The following EFCAB6 variants were observed in gnomAD, a reference collection of about 807,000 sequenced individuals.
The protein encoded by EFCAB6 is EF-hand calcium-binding domain-containing protein 6.
In EFCAB6, 156 loss-of-function variants were observed where a neutral mutation model predicts 169.8. The ratio of observed to expected loss-of-function variants is 0.92; its 90% CI spans 0.81 to 1.05. The LOEUF (loss-of-function observed/expected upper bound fraction) is 1.05, where lower values mean the gene tolerates loss of function less well. Ranked by LOEUF, EFCAB6 falls within the 50% of genes least tolerant of loss-of-function variation. EFCAB6 has a pLI of 0.00. For synonymous variants in EFCAB6, 698 were observed against 676.4 expected (o/e 1.03, Z -0.50); for missense variants, 1,800 against 1,829.1 (o/e 0.98, Z 0.29).
rs148974952 is a variant in EFCAB6, at chr22:43,790,734, C to T, written c.-7-8409G>A. Among the ~76,000 whole-genome samples, 639 of 152,244 alleles carry T rather than the reference C, an allele frequency of 4.2e-3. 2 individuals are homozygous for T. The highest frequency in any genetic ancestry group is 0.027 in the Middle Eastern group (8 of 294). ...TAAAGGAATATCTCTGGCTGTATGT[C>T]ACGAATAGGCTTACAGGTGCAAGGG... On this transcript the variant is annotated intron_variant, in intron 2 of 31. Coordinates refer to ENST00000262726, the MANE Select transcript of EFCAB6 (RefSeq NM_022785.4).
intron 20 of EFCAB6, among the ~76,000 whole-genome samples, chr22:43,621,150 G>A (rs1223926835): frequency 6.6e-6 from 1 of 150,698 alleles, no homozygotes; most frequent in African/African-American, 2.4e-5. Context: ...GTGCAGTGGT[G>A]CGATCTCGGC....
At chr22:43,546,286 C>T (rs193188704) in intron 27 of EFCAB6, among the ~76,000 whole-genome samples, 1 of 152,196 alleles carries the variant, frequency 6.6e-6, no homozygotes, top group Admixed American at 6.5e-5. Context: ...AGATGAGACA[C>T]AGTTGAGGAG....
chr22:43,726,151 C>A (rs2059717423), intron 8 of EFCAB6, among the ~76,000 whole-genome samples: 1 of 151,602 alleles, frequency 6.6e-6, no homozygotes, highest in South Asian at 2.1e-4. Flanking sequence ...AAATCTGCTG[C>A]CAATTATTGA....
chr22:43,656,611 T>C (rs986346364), intron 17 of EFCAB6, among the ~76,000 whole-genome samples: 2 of 152,214 alleles, frequency 1.3e-5, no homozygotes, highest in Admixed American at 6.5e-5. Flanking sequence ...ATCATTGCAT[T>C]ACAATGGCCT....
chr22:43,637,360 C>T (rs1380993748), intron 17 of EFCAB6, among the ~76,000 whole-genome samples: 2 of 152,244 alleles, frequency 1.3e-5, no homozygotes, highest in Non-Finnish European at 2.9e-5. Flanking sequence ...GTTTTGGTGT[C>T]ATCCTTTTTG....
intron 12 of EFCAB6, among the ~76,000 whole-genome samples, chr22:43,682,225 T>C (rs1289291349): frequency 1.3e-5 from 2 of 152,176 alleles, no homozygotes; most frequent in Non-Finnish European, 2.9e-5. Context: ...GTTAATGCCA[T>C]GATGTGATAC....
At chr22:43,650,535 T>C (rs1157595725) in intron 17 of EFCAB6, among the ~76,000 whole-genome samples, 2 of 152,150 alleles carry the variant, frequency 1.3e-5, no homozygotes, top group Non-Finnish European at 2.9e-5. Flanking sequence ...ATGAAAATGA[T>C]CTAATACAGT....
Position 43,530,913 on chromosome 22 carries a change from GAATA to G in EFCAB6, c.4281_4284del (p.Ile1428SerfsTer26). 1 of 1,614,250 alleles carries G rather than the reference GAATA, an allele frequency of 6.2e-7. No homozygotes were observed. Among genetic ancestry groups the G allele is most frequent in the South Asian group, 1.1e-5 (1 of 91,082 alleles). On this transcript the variant is annotated frameshift_variant, in exon 31 of 32. Transcript: ENST00000262726. LOFTEE classifies it high-confidence loss of function. ...CTCCAGCAGTGCACAATTTTGGGCTGAATACGCAGCAGAGCAGAGTAAAAAGATG... is the reference window on the plus strand; with the variant it reads ...CTCCAGCAGTGCACAATTTTGGGCTGCGCAGCAGAGCAGAGTAAAAAGATG...
intron 25 of EFCAB6, among the ~76,000 whole-genome samples, chr22:43,576,833 AGCAGAGAGTAACTT>A (rs1260044687): frequency 2.6e-5 from 4 of 152,214 alleles, no homozygotes; most frequent in African/African-American, 9.6e-5. Context: ...TACAGAGCAG[AGCAGAGAGTAACTT>A]GCTCAAGCTC....
intron 23 of EFCAB6, among the ~76,000 whole-genome samples, chr22:43,596,533 C>T (rs1342625165): frequency 1.3e-5 from 2 of 151,838 alleles, no homozygotes; most frequent in African/African-American, 4.8e-5. Flanking sequence ...TAAAAATCAG[C>T]TGAACCAAAG....
chr22:43,798,014 T>G (rs904348122), intron 2 of EFCAB6, among the ~76,000 whole-genome samples: 1 of 152,206 alleles, frequency 6.6e-6, no homozygotes, highest in African/African-American at 2.4e-5. Context: ...CAGGATCACC[T>G]GGACAGCCTG....
chr22:43,547,995 C>T (rs1322665471), intron 27 of EFCAB6, among the ~76,000 whole-genome samples: 1 of 151,998 alleles, frequency 6.6e-6, no homozygotes, highest in Non-Finnish European at 1.5e-5. Flanking sequence ...ACTTGGGAGG[C>T]TGAGGCAGGA....
chr22:43,693,767 G>A (rs544962833), intron 10 of EFCAB6, among the ~76,000 whole-genome samples: 1 of 151,498 alleles, frequency 6.6e-6, no homozygotes, highest in East Asian at 1.9e-4. Flanking sequence ...TTTTAAAAAA[G>A]AATAATGAAG....
chr22:43,613,224 CATAA>C (rs1490171196), intron 21 of EFCAB6, among the ~76,000 whole-genome samples: 39 of 147,400 alleles, frequency 2.6e-4, no homozygotes, highest in African/African-American at 9.1e-4. Flanking sequence ...ATATTTGTTA[CATAA>C]ATATATTCAT....
chr22:43,529,110 C>G, intron 31 of EFCAB6, 135 bp from the exon 32 acceptor site: 1 of 1,066,146 alleles, frequency 9.4e-7, no homozygotes, highest in East Asian at 2.6e-5. Flanking sequence ...CCCATCTGTG[C>G]GCTCTCTCTA....
At chr22:43,798,726 T>C (rs1446370735) in intron 2 of EFCAB6, among the ~76,000 whole-genome samples, 1 of 152,208 alleles carries the variant, frequency 6.6e-6, no homozygotes, top group Admixed American at 6.5e-5. Context: ...ATGAGTGGAT[T>C]TGCTTCAGCT....
intron 20 of EFCAB6, among the ~76,000 whole-genome samples, chr22:43,622,630 T>C (rs2054188655): frequency 6.6e-6 from 1 of 152,162 alleles, no homozygotes; most frequent in African/African-American, 2.4e-5. Context: ...TCTGGATCCA[T>C]TTGTTATGTG....
At chr22:43,796,236 G>A (rs2062505170) in intron 2 of EFCAB6, among the ~76,000 whole-genome samples, 1 of 152,128 alleles carries the variant, frequency 6.6e-6, no homozygotes, top group Non-Finnish European at 1.5e-5. Context: ...TCGACCCCAT[G>A]ACTGTTCAAT....
At chr22:43,778,030 T>C (rs1256476935) in intron 3 of EFCAB6, among the ~76,000 whole-genome samples, 1 of 152,124 alleles carries the variant, frequency 6.6e-6, no homozygotes, top group African/African-American at 2.4e-5. Context: ...AAAATATATA[T>C]ATAGTTTTAA....
Sources: gnomAD v4.1 joint callset for allele counts (sites outside exome capture counted in the v4.1 genomes callset) on GRCh38, gnomAD v4.1.1 for gene constraint, MANE v1.5 for transcripts, NCBI Gene and HGNC (gene_info 2026-07-23, HGNC 2026-07-21) for gene names.